UTP23: variants seen among roughly 807,000 people sequenced by gnomAD.
The protein encoded by UTP23 is UTP23 small subunit processome component.
Under a neutral mutation model 19.8 loss-of-function variants are expected in UTP23, and 10 were observed. The observed-to-expected ratio is 0.50, with a 90% CI of 0.31 to 0.86. UTP23 has a LOEUF of 0.86. Ranked by LOEUF, UTP23 falls within the 40% of genes least tolerant of loss-of-function variation. The pLI is 0.05. For synonymous variants in UTP23, 108 were observed against 105.4 expected, an observed-to-expected ratio of 1.02 and a Z score of -0.15; for missense variants, 282 against 293.1, an observed-to-expected ratio of 0.96 and a Z score of 0.28.
Position 116,770,325 on chromosome 8 carries a change from G to T in UTP23, c.322G>T (p.Val108Phe). ...TGGATCAGAATGTCTGCTTTCCATGGTTGAAGAGGGAAATCCTCATCATTA... is the reference window on the plus strand; with the variant it reads ...TGGATCAGAATGTCTGCTTTCCATGTTTGAAGAGGGAAATCCTCATCATTA... ...VSGSECLLSM[V>F]EEGNPHHYFV... Residue 108 changes from valine (V) to phenylalanine (F), a missense_variant, in exon 2 of 3, where the codon GTT becomes TTT. Physicochemically the swap from Val to Phe is conservative, Grantham distance 50 (BLOSUM62 -1). Coordinates refer to ENST00000309822, the MANE Select transcript of UTP23 (RefSeq NM_032334.3). The T allele has an allele frequency of 6.2e-7, 1 of 1,613,560 alleles. No homozygotes were observed. Among genetic ancestry groups the T allele is most frequent in the African/African-American group, 1.3e-5 (1 of 74,928 alleles).
At position 116,766,553 on chromosome 8, in the gene UTP23, G is replaced by A; in HGVS notation, c.-51G>A. The A allele has an allele frequency of 6.4e-7, 1 of 1,574,020 alleles. No individual in the cohort carries two copies. Among genetic ancestry groups the A allele is most frequent in the Non-Finnish European group, 8.6e-7 (1 of 1,158,986 alleles). Reference sequence around the variant, plus strand: ...TTGAGGGTACTGGGGCGTGCGTGAGGCGTTTACTGATGCTTCCTGGTCCGG... The same window carrying A: ...TTGAGGGTACTGGGGCGTGCGTGAGACGTTTACTGATGCTTCCTGGTCCGG... On this transcript the variant is annotated 5_prime_UTR_variant, in exon 1 of 3. Transcript: ENST00000309822.
At chr8:116,768,009 T>C (rs372460804) in intron 1 of UTP23, among the ~76,000 whole-genome samples, 12 of 152,154 alleles carry the variant, frequency 7.9e-5, no homozygotes, top group East Asian at 5.8e-4. Flanking sequence ...GTTGCCTGAG[T>C]CTAGGAGTTT....
chr8:116,768,666 T>A (rs906792743), intron 1 of UTP23, among the ~76,000 whole-genome samples: 100 of 152,292 alleles, frequency 6.6e-4, no homozygotes, highest in African/African-American at 2.2e-3. Context: ...TTAAGTTTTT[T>A]AAAAAAATTT....
chr8:116,769,078 G>C (rs1280675377), intron 1 of UTP23, among the ~76,000 whole-genome samples: 1 of 152,176 alleles, frequency 6.6e-6, no homozygotes, highest in African/African-American at 2.4e-5. Flanking sequence ...TAGTAGTTAG[G>C]TCTCTACAGA....
At position 116,771,607 on chromosome 8, in the gene UTP23, A is replaced by T; in HGVS notation, c.515A>T (p.Lys172Ile). The T allele has an allele frequency of 6.2e-7, 1 of 1,612,166 alleles. No homozygotes were observed. The highest frequency in any genetic ancestry group is 8.5e-7 in the Non-Finnish European group (1 of 1,179,584). The part of the protein sequence containing the change: ...ESGQLVSVHE[K>I]ESIKHLKEEQ... ...GGTCAGCTTGTCTCAGTGCATGAGA[A>T]AGAAAGTATCAAACATCTCAAAGAG... The change falls in exon 3 of 3, where the codon AAA becomes ATA. Residue 172 changes from lysine (K) to isoleucine (I), a missense_variant. Lys to Ile is a moderately radical substitution (Grantham distance 102). Transcript: ENST00000309822.
intron 1 of UTP23, 77 bp from the exon 2 acceptor site, chr8:116,770,115 T>G (rs1815631311): frequency 7.3e-7 from 1 of 1,372,706 alleles, no homozygotes; most frequent in Non-Finnish European, 9.8e-7. Flanking sequence ...TAGTTTTATT[T>G]TAAGAAAAAA....
Position 116,766,761 on chromosome 8 carries a change from T to A in UTP23, c.158T>A (p.Leu53His), listed in dbSNP as rs1815586009. The A allele has an allele frequency of 1.3e-6, 2 of 1,585,944 alleles. No homozygotes were observed. The highest frequency in any genetic ancestry group is 2.7e-5 in the African/African-American group (2 of 74,142). The change falls in exon 1 of 3, where the codon CTC becomes CAC. Residue 53 changes from leucine to histidine, a missense_variant. Coordinates refer to ENST00000309822, the MANE Select transcript of UTP23 (RefSeq NM_032334.3). ...CTGCGGGAGCAGCTGCCCCGCTACC[T>A]CATGGGGGAGACGCAGCTGTGCACC... ...IQLREQLPRY[L>H]MGETQLCTTR...
rs1242146130 is a variant in UTP23, at chr8:116,772,320, A to G, written c.*478A>G. On this transcript the variant is annotated 3_prime_UTR_variant, in exon 3 of 3. Transcript: ENST00000309822. ...TCCCACCTTCAAACATTATATGCAA[A>G]CAGTTTTAAAAAATCTTACAGTTCT... 5 of 985,332 alleles carry G rather than the reference A, an allele frequency of 5.1e-6. No individual in the cohort carries two copies. The highest frequency in any genetic ancestry group is 1.2e-4 in the Admixed American group (2 of 16,248). 61.0% of individuals were successfully genotyped at this position (985,332 alleles called of 1,614,324 possible).
chr8:116,769,146 G>A (rs1008170159), intron 1 of UTP23, among the ~76,000 whole-genome samples: 5 of 152,204 alleles, frequency 3.3e-5, no homozygotes, highest in Non-Finnish European at 5.9e-5. Context: ...TAGAACAGCA[G>A]AATGTTATCA....
rs1815640575 is a variant in UTP23 at position 116,770,638 on chromosome 8, G to T, written c.363+272G>T. The stretch of plus-strand genomic sequence containing the variant: ...TTTTGTTTGTTTCTTGAGACTTGAG[G>T]GTCTCACTATATTGCCTAGGCTGGT... On this transcript the variant is annotated intron_variant, in intron 2 of 2. Coordinates refer to ENST00000309822, the MANE Select transcript of UTP23 (RefSeq NM_032334.3). 1.0e-5 allele frequency: 3 copies of T among 286,326 alleles called. No homozygotes were observed. In the South Asian group the frequency reaches 1.9e-4, roughly 18 times the overall value. The allele number at this position is 286,326 out of a possible 1,614,324, so 17.7% of individuals were successfully genotyped here. A position where few individuals can be genotyped will look rare whatever the true frequency, so the allele number is the denominator to read the frequency against.
intron 1 of UTP23, among the ~76,000 whole-genome samples, chr8:116,767,847 C>T (rs1459794567): frequency 1.3e-5 from 2 of 151,968 alleles, no homozygotes; most frequent in Non-Finnish European, 2.9e-5. Flanking sequence ...CTCATAATAC[C>T]ACTACTCACG....
rs1241053077 is a variant in UTP23 at position 116,772,789 on chromosome 8, G to T, written c.*947G>T. ...ATGAGGGTCAATTCAGTTAGGAATT[G>T]AATAATGAAACGTGTCTCTCTGAAT... On this transcript the variant is annotated 3_prime_UTR_variant, in exon 3 of 3. Transcript: ENST00000309822. 1 of 985,292 alleles carries T rather than the reference G, an allele frequency of 1.0e-6. No individual in the cohort carries two copies. Among genetic ancestry groups the T allele is most frequent in the Non-Finnish European group, 1.2e-6 (1 of 829,920 alleles). The allele number at this position is 985,292 out of a possible 1,614,324, so 61.0% of individuals were successfully genotyped here.
Position 116,771,821 on chromosome 8 carries a change from G to A in UTP23, c.729G>A (p.Lys243=), listed in dbSNP as rs184634645. 1.2e-5 allele frequency: 19 copies of A among 1,579,934 alleles called. No homozygotes were observed. The East Asian group carries it at 4.0e-4, about 33-fold the overall frequency. ...NRSNPKVLSE[K]QNAEGE is the part of the protein sequence containing the mutation. ...CTAACCCAAAAGTACTTTCTGAGAA[G>A]CAGAATGCAGAAGGAGAATGAATCC... is the stretch of plus-strand genomic sequence containing the variant. Residue 243 remains lysine (K), a synonymous_variant, in exon 3 of 3, where the codon AAG becomes AAA. Coordinates refer to ENST00000309822, the MANE Select transcript of UTP23 (RefSeq NM_032334.3).
Position 116,773,666 on chromosome 8 carries a change from T to C in UTP23, c.*1824T>C, listed in dbSNP as rs910983588. The C allele has an allele frequency of 2.0e-5, 6 of 299,730 alleles. No individual in the cohort carries two copies. Among genetic ancestry groups the C allele is most frequent in the Non-Finnish European group, 2.9e-5 (6 of 203,460 alleles). The allele number at this position is 299,730 out of a possible 1,614,324, so 18.6% of individuals were successfully genotyped here. On this transcript the variant is annotated 3_prime_UTR_variant, in exon 3 of 3. Coordinates refer to ENST00000309822, the MANE Select transcript of UTP23 (RefSeq NM_032334.3). ...CTGTACTAAAAATACAAAAATTAGCTGGGTGTGGTGGTGTGCGCCTGTAGT... is the reference window on the plus strand; with the variant it reads ...CTGTACTAAAAATACAAAAATTAGCCGGGTGTGGTGGTGTGCGCCTGTAGT...
intron 1 of UTP23, 114 bp downstream of exon 1, chr8:116,766,905 A>G (rs1170599903): frequency 1.9e-6 from 2 of 1,066,212 alleles, no homozygotes; most frequent in African/African-American, 1.6e-5. Context: ...CGCCCCGCCC[A>G]CGTGGAGTTG....
Position 116,774,395 on chromosome 8 carries a change from G to T in UTP23, c.*2553G>T. ...AATCTGCGTAAAGCAAGATGGCTGTGATTTGACAGGTTTAATTGCTAGTTT... is the reference window on the plus strand; with the variant it reads ...AATCTGCGTAAAGCAAGATGGCTGTTATTTGACAGGTTTAATTGCTAGTTT... On this transcript the variant is annotated 3_prime_UTR_variant, in exon 3 of 3. Coordinates refer to ENST00000309822, the MANE Select transcript of UTP23 (RefSeq NM_032334.3). The T allele has an allele frequency of 1.0e-6, 1 of 968,734 alleles. No individual in the cohort carries two copies. The highest frequency in any genetic ancestry group is 1.2e-6 in the Non-Finnish European group (1 of 822,376). The allele number at this position is 968,734 out of a possible 1,614,324, so 60.0% of individuals were successfully genotyped here. A position where few individuals can be genotyped will look rare whatever the true frequency, so the allele number is the denominator to read the frequency against.
rs535395076 is a variant in UTP23 at position 116,773,453 on chromosome 8, G to A, written c.*1611G>A. 1.0e-6 allele frequency: 1 copy of A among 983,516 alleles called. No individual in the cohort carries two copies. The highest frequency in any genetic ancestry group is 1.1e-4 in the East Asian group (1 of 8,810). The allele number at this position is 983,516 out of a possible 1,614,324, so 60.9% of individuals were successfully genotyped here. On this transcript the variant is annotated 3_prime_UTR_variant, in exon 3 of 3. Transcript: ENST00000309822. ...TTAATAGCATCTGAACTGGAGAGCT[G>A]GAAAAATCCACTTTTTTATGAAGCA...
Position 116,772,982 on chromosome 8 carries a change from C to T in UTP23, c.*1140C>T. ...GATTCTCAGTCTAACATTAGGTTAT[C>T]ATGATGACGTATGAGTAAATTCTTA... On this transcript the variant is annotated 3_prime_UTR_variant, in exon 3 of 3. Coordinates refer to ENST00000309822, the MANE Select transcript of UTP23 (RefSeq NM_032334.3). 1.0e-6 allele frequency: 1 copy of T among 985,368 alleles called. No homozygotes were observed. Among genetic ancestry groups the T allele is most frequent in the Middle Eastern group, 5.2e-4 (1 of 1,912 alleles). The allele number at this position is 985,368 out of a possible 1,614,324, so 61.0% of individuals were successfully genotyped here.
Position 116,772,019 on chromosome 8 carries a change from C to T in UTP23, c.*177C>T, listed in dbSNP as rs4130879. 1.6e-6 allele frequency: 2 copies of T among 1,288,608 alleles called. No homozygotes were observed. Among genetic ancestry groups the T allele is most frequent in the Non-Finnish European group, 2.0e-6 (2 of 1,020,050 alleles). 79.8% of individuals were successfully genotyped at this position (1,288,608 alleles called of 1,614,324 possible). ...CCAGCATGGCAAAACCCCATCTCTA[C>T]TAAAATACAAAAATTAGCTGGGCAT... is the stretch of plus-strand genomic sequence containing the variant. On this transcript the variant is annotated 3_prime_UTR_variant, in exon 3 of 3. Coordinates refer to ENST00000309822, the MANE Select transcript of UTP23 (RefSeq NM_032334.3).
Sources: allele counts gnomAD v4.1 joint callset (sites outside exome capture counted in the v4.1 genomes callset), GRCh38; gene constraint gnomAD v4.1.1; transcripts MANE v1.5; gene names NCBI Gene and HGNC (gene_info 2026-07-23, HGNC 2026-07-21).